NSD2: variants seen among roughly 807,000 people sequenced by gnomAD.
NSD2 encodes histone-lysine N-methyltransferase NSD2.
Under a neutral mutation model 139.0 loss-of-function variants are expected in NSD2, and 12 were observed. The observed-to-expected ratio is 0.09, with a 90% CI of 0.06 to 0.14. The LOEUF (loss-of-function observed/expected upper bound fraction) is 0.14. Among genes scored for constraint, NSD2 ranks in the 10% least tolerant of loss-of-function variants. The pLI, the probability that NSD2 is intolerant of heterozygous loss-of-function variation, is 1.00. For missense variants in NSD2, 1,155 were observed against 1,745.0 expected (o/e 0.66, Z 6.02); for synonymous variants, 669 against 648.7 (o/e 1.03, Z -0.48).
In NSD2 at chr4:1,926,557, G is replaced by A. The variant is rs534086438; in HGVS notation, c.1411-4069G>A. ...ACAATCACAGCTCACTGCAACCTCC[G>A]CCTTCCGGGTTCAAGCGATCCTCCC... On this transcript the variant is annotated intron_variant, in intron 5 of 21. Transcript: ENST00000508803. Among the ~76,000 whole-genome samples the A allele has an allele frequency of 3.3e-5, 5 of 151,946 alleles. No homozygotes were observed. In the East Asian group the frequency reaches 7.8e-4, roughly 24 times the overall value.
chr4:1,939,019 C>A (rs1722793585), intron 8 of NSD2, among the ~76,000 whole-genome samples: 1 of 152,168 alleles, frequency 6.6e-6, no homozygotes, highest in African/African-American at 2.4e-5. Flanking sequence ...AATTACACTT[C>A]CTTTTACCTT....
chr4:1,943,349 T>C (rs1723297139), intron 9 of NSD2: 2 of 1,042,844 alleles, frequency 1.9e-6, no homozygotes, highest in Middle Eastern at 4.4e-4. Flanking sequence ...ATGTAACGCA[T>C]GTAAGATGCT....
chr4:1,939,799 A>G lies in NSD2; in HGVS notation c.1881+21A>G, dbSNP rs375203552. On this transcript the variant is annotated intron_variant, in intron 9 of 21. Transcript: ENST00000508803. The stretch of plus-strand genomic sequence containing the variant: ...ATGAGGTAAAATAATAATAATAACG[A>G]TAACCATGGCATTGGTATGAAGGCC... 8 of 1,614,066 alleles carry G rather than the reference A, an allele frequency of 5.0e-6. No individual in the cohort carries two copies. The East Asian group carries it at 6.7e-5, about 13-fold the overall frequency.
At chr4:1,904,694 A>T (rs1339432866) in intron 3 of NSD2, among the ~76,000 whole-genome samples, 1 of 152,204 alleles carries the variant, frequency 6.6e-6, no homozygotes, top group Non-Finnish European at 1.5e-5. Context: ...AGAGTGTTTT[A>T]TGCTAAGTTT....
intron 8 of NSD2, among the ~76,000 whole-genome samples, chr4:1,938,875 A>G (rs1206239888): frequency 6.6e-6 from 1 of 152,128 alleles, no homozygotes; most frequent in Non-Finnish European, 1.5e-5. Flanking sequence ...TGCTACTGTA[A>G]ATTCTGTCAC....
chr4:1,941,014 A>G lies in NSD2; in HGVS notation c.1881+1236A>G, dbSNP rs1723039669. On this transcript the variant is annotated intron_variant, in intron 9 of 21. Transcript: ENST00000508803. ...GGCTGCTTTACAGTTTGATACGTGT[A>G]GATAATTAAGCATTTTGTGATGTTT... 4 of 1,057,958 alleles carry G rather than the reference A, an allele frequency of 3.8e-6. No individual in the cohort carries two copies. The South Asian group carries it at 1.8e-4, about 48-fold the overall frequency. The allele number at this position is 1,057,958 out of a possible 1,614,324, so 65.5% of individuals were successfully genotyped here.
chr4:1,957,020 G>C (rs1338483788), intron 15 of NSD2, among the ~76,000 whole-genome samples: 1 of 152,172 alleles, frequency 6.6e-6, no homozygotes. Context: ...AAATTGAGAG[G>C]TGGACTTATG....
Position 1,978,670 on chromosome 4 carries a change from G to A in NSD2, c.3859G>A (p.Val1287Met), listed in dbSNP as rs1727393699. 2 of 1,613,428 alleles carry A rather than the reference G, an allele frequency of 1.2e-6. No individual in the cohort carries two copies. The highest frequency in any genetic ancestry group is 1.7e-6 in the Non-Finnish European group (2 of 1,179,594). ...KWECPWHHCD[V>M]CGKPSTSFCH... ...GGAATGTCCTTGGCATCATTGTGAC[G>A]TGTGTGGCAAACCTTCGACTTCATT... Residue 1287 changes from valine to methionine, a missense_variant, in exon 22 of 22, where the codon GTG becomes ATG. Val to Met is a conservative substitution (Grantham distance 21). This residue lies in a region of NSD2 where 25 missense variants were observed against 75.1 expected (regional missense o/e 0.33). Transcript: ENST00000508803.
intron 9 of NSD2, chr4:1,944,435 G>T: frequency 9.4e-7 from 1 of 1,065,168 alleles, no homozygotes; most frequent in Non-Finnish European, 1.1e-6. Flanking sequence ...TGAATTGCCG[G>T]TTGTTGAGGT....
chr4:1,929,022 G>T (rs1248436251), intron 5 of NSD2, among the ~76,000 whole-genome samples: 3 of 152,118 alleles, frequency 2.0e-5, no homozygotes, highest in Non-Finnish European at 2.9e-5. Flanking sequence ...GAGTGCTGGG[G>T]GTCAGAGCCA....
chr4:1,925,185 A>AT (rs1480440038), intron 5 of NSD2, among the ~76,000 whole-genome samples: 3 of 151,728 alleles, frequency 2.0e-5, no homozygotes, highest in Admixed American at 2.0e-4. Context: ...ATTGTTTTTT[A>AT]TTTTTCGGGA....
intron 1 of NSD2, among the ~76,000 whole-genome samples, chr4:1,872,613 A>C (rs1003028707): frequency 7.0e-6 from 1 of 143,768 alleles, no homozygotes; most frequent in Non-Finnish European, 1.5e-5. Context: ...AGAGAGAGAG[A>C]GAGAGAGAGA....
chr4:1,913,965 T>C (rs1234768494), intron 3 of NSD2, among the ~76,000 whole-genome samples: 1 of 152,176 alleles, frequency 6.6e-6, no homozygotes, highest in East Asian at 1.9e-4. Context: ...GAGGCTATTT[T>C]TGGTATCTTA....
At chr4:1,871,942 G>C (rs867211119) in intron 1 of NSD2, among the ~76,000 whole-genome samples, 1 of 148,384 alleles carries the variant, frequency 6.7e-6, no homozygotes, top group Non-Finnish European at 1.5e-5. Flanking sequence ...CGGCCCGGCC[G>C]AGGCGGCCGC....
At chr4:1,925,778 TTTTG>T (rs531826079) in intron 5 of NSD2, among the ~76,000 whole-genome samples, 3,472 of 151,132 alleles carry the variant, frequency 0.023, 91 homozygotes, top group African/African-American at 0.066. Context: ...ATATATTTTT[TTTTG>T]TTTGTTTGTT....
intron 1 of NSD2, among the ~76,000 whole-genome samples, chr4:1,893,536 G>GTT (rs1233706276): frequency 8.2e-5 from 12 of 146,344 alleles, no homozygotes; most frequent in African/African-American, 2.8e-4. Context: ...CTCTTTTTTT[G>GTT]TTTTTTGTTT....
chr4:1,963,461 ATT>A (rs1307070783), intron 18 of NSD2, among the ~76,000 whole-genome samples: 1 of 152,132 alleles, frequency 6.6e-6, no homozygotes, highest in East Asian at 1.9e-4. Flanking sequence ...CAGGGAGGTT[ATT>A]TGTTAGACAT....
intron 1 of NSD2, among the ~76,000 whole-genome samples, chr4:1,882,884 G>A (rs1714808729): frequency 6.6e-6 from 1 of 152,144 alleles, no homozygotes; most frequent in South Asian, 2.1e-4. Context: ...GTGTTCTAAT[G>A]TGTCCTTCAT....
chr4:1,957,804 T>C, intron 15 of NSD2, 129 bp from the exon 16 acceptor site: 1 of 869,314 alleles, frequency 1.2e-6, no homozygotes, highest in South Asian at 1.8e-5. Flanking sequence ...GTTCATAGAC[T>C]CTAGTTTTAT....
Sources: gnomAD v4.1 joint callset for allele counts (sites outside exome capture counted in the v4.1 genomes callset) on GRCh38, gnomAD v4.1.1 for gene constraint, gnomAD v4.1.1 regional missense constraint, MANE v1.5 for transcripts, NCBI Gene and HGNC (gene_info 2026-07-23, HGNC 2026-07-21) for gene names.